The following STS variants were observed in gnomAD, a reference collection of about 807,000 sequenced individuals.
The protein encoded by STS is steryl-sulfatase.
STS carries 7 observed loss-of-function variants against 26.8 expected under a neutral mutation model. The ratio of observed to expected loss-of-function variants is 0.26; its 90% CI spans 0.15 to 0.49. The LOEUF is 0.49. Among genes scored for constraint, STS ranks in the 20% least tolerant of loss-of-function variants. The probability of loss-of-function intolerance (pLI) is 0.98; values close to 1 mark genes in which losing one functional copy is unlikely to be tolerated. For missense variants in STS, 434 were observed against 465.6 expected, an observed-to-expected ratio of 0.93 and a Z score of 0.63; for synonymous variants, 199 against 189.4, an observed-to-expected ratio of 1.05 and a Z score of -0.42.
At chrX:7,157,131 G>A (rs1159562270) in intron 1 of STS, among the ~76,000 whole-genome samples, 1 of 111,839 alleles carries the variant, frequency 8.9e-6, no homozygotes, top group African/African-American at 3.3e-5. Context: ...TCTTCCTTCT[G>A]CATGGCTAAG....
chrX:7,311,264 G>C (rs983660638), intron 8 of STS, among the ~76,000 whole-genome samples: 11 of 110,064 alleles, frequency 1.0e-4, no homozygotes, highest in African/African-American at 3.6e-4. Context: ...CCAGACACTG[G>C]AGTGAGCTTT....
At chrX:7,196,106 A>AGAG (rs66523232) in intron 2 of STS, among the ~76,000 whole-genome samples, 7 of 23,495 alleles carry the variant, frequency 3.0e-4, no homozygotes, top group African/African-American at 1.3e-3. Context: ...GAAAACAAAT[A>AGAG]GTTTATTAAC....
At chrX:7,290,360 ATAATAT>A (rs771492489) in intron 7 of STS, among the ~76,000 whole-genome samples, 34 of 111,630 alleles carry the variant, frequency 3.0e-4, no homozygotes, top group Middle Eastern at 4.6e-3. Context: ...TGCTCCACTG[ATAATAT>A]TAATACTACT....
intron 1 of STS, among the ~76,000 whole-genome samples, chrX:7,151,630 G>A (rs1321008588): frequency 8.9e-6 from 1 of 112,225 alleles, no homozygotes; most frequent in Non-Finnish European, 1.9e-5. Flanking sequence ...TGTACTCTCG[G>A]ACATATCTGG....
At chrX:7,245,427 T>C (rs1922819656) in intron 2 of STS, among the ~76,000 whole-genome samples, 1 of 112,346 alleles carries the variant, frequency 8.9e-6, no homozygotes, top group African/African-American at 3.2e-5. Flanking sequence ...TTTGATTTAA[T>C]GTGGCTTTCT....
chrX:7,245,428 G>A (rs1459040760), intron 2 of STS, among the ~76,000 whole-genome samples: 1 of 112,178 alleles, frequency 8.9e-6, no homozygotes, highest in Non-Finnish European at 1.9e-5. Context: ...TTGATTTAAT[G>A]TGGCTTTCTT....
At chrX:7,269,764 G>C (rs865889358) in intron 6 of STS, among the ~76,000 whole-genome samples, 3 of 111,263 alleles carry the variant, frequency 2.7e-5, no homozygotes, top group African/African-American at 9.8e-5. Flanking sequence ...GGGGGTTGGG[G>C]GTGGCGGTTG....
In STS at chrX:7,210,462, TATAA is replaced by T. The variant is rs1444157664; in HGVS notation, c.-5+19457_-5+19460del. On this transcript the variant is annotated intron_variant, in intron 2 of 10. Coordinates refer to ENST00000674429, the MANE Select transcript of STS (RefSeq NM_001320752.2). ...TTTATATATTTATACAATTATACAA[TATAA>T]ATGTTTTATTTTAAATAAATTTTTA... Among the ~76,000 whole-genome samples the T allele has an allele frequency of 6.5e-5, 7 of 107,706 alleles. No homozygotes were observed. In the Admixed American group the frequency reaches 7.0e-4, roughly 11 times the overall value. The allele number at this position is 107,706 out of a possible 115,157, so 93.5% of individuals were successfully genotyped here.
At chrX:7,189,026 T>A (rs1420540988) in intron 1 of STS, among the ~76,000 whole-genome samples, 2 of 111,466 alleles carry the variant, frequency 1.8e-5, no homozygotes, top group African/African-American at 6.5e-5. Context: ...GGGGAAAAAA[T>A]AACATTTCTG....
At chrX:7,303,338 G>A (rs921835567) in intron 7 of STS, among the ~76,000 whole-genome samples, 1 of 111,136 alleles carries the variant, frequency 9.0e-6, no homozygotes, top group African/African-American at 3.3e-5. Context: ...TATTAGCAAC[G>A]TGAGAGCAGA....
chrX:7,344,929 G>A (rs887703349), intron 10 of STS, among the ~76,000 whole-genome samples: 2 of 111,268 alleles, frequency 1.8e-5, no homozygotes, highest in African/African-American at 6.5e-5. Flanking sequence ...CATTCAGAGA[G>A]GCCTGGAAAT....
At chrX:7,316,256 A>G (rs2147151375) in intron 8 of STS, among the ~76,000 whole-genome samples, 1 of 112,368 alleles carries the variant, frequency 8.9e-6, no homozygotes, top group South Asian at 3.7e-4. Flanking sequence ...ATGCTGAAGG[A>G]TTTAATATTA....
intron 9 of STS, among the ~76,000 whole-genome samples, chrX:7,333,657 G>A (rs1422182252): frequency 8.9e-6 from 1 of 112,245 alleles, no homozygotes; most frequent in Non-Finnish European, 1.9e-5. Context: ...GAAGAATAAG[G>A]GTATGAATGC....
At chrX:7,211,771 G>GGA (rs1921041029) in intron 2 of STS, among the ~76,000 whole-genome samples, 1 of 112,051 alleles carries the variant, frequency 8.9e-6, no homozygotes, top group African/African-American at 3.2e-5. Flanking sequence ...TGGGCTTTGA[G>GGA]GAGAAGGCTG....
intron 1 of STS, among the ~76,000 whole-genome samples, chrX:7,170,254 G>A (rs1437603122): frequency 9.1e-6 from 1 of 110,038 alleles, no homozygotes; most frequent in Admixed American, 9.7e-5. Context: ...GCAGGAGGTA[G>A]GAATAGTGAT....
At chrX:7,151,417 G>GAT (rs1395792564) in intron 1 of STS, among the ~76,000 whole-genome samples, 1 of 111,936 alleles carries the variant, frequency 8.9e-6, no homozygotes, top group Non-Finnish European at 1.9e-5. Context: ...GACTTCATCT[G>GAT]ATGGGGCCTG....
At chrX:7,212,658 T>A (rs1457732334) in intron 2 of STS, among the ~76,000 whole-genome samples, 1 of 111,987 alleles carries the variant, frequency 8.9e-6, no homozygotes, top group Non-Finnish European at 1.9e-5. Flanking sequence ...CCTTCTGGTA[T>A]AACCAGAATA....
intron 1 of STS, among the ~76,000 whole-genome samples, chrX:7,186,801 C>A (rs1440514673): frequency 2.7e-5 from 3 of 111,936 alleles, no homozygotes; most frequent in African/African-American, 6.5e-5. Context: ...AATCAGATAT[C>A]ATCTTAGGTC....
rs747283571 is a variant in STS, at chrX:7,246,510, G to A, written c.-4-6686G>A. Among the ~76,000 whole-genome samples the A allele has an allele frequency of 4.5e-5, 5 of 110,049 alleles. No individual in the cohort carries two copies. The South Asian group carries it at 2.0e-3, about 43-fold the overall frequency. ...TTTAGTAGAGATGGGGTTTCACCGT[G>A]TTAGCCAGGATGGTCTCGATCTCCT... On this transcript the variant is annotated intron_variant, in intron 2 of 10. Transcript: ENST00000674429.
Sources: gnomAD v4.1 joint callset for allele counts (sites outside exome capture counted in the v4.1 genomes callset) on GRCh38, gnomAD v4.1.1 for gene constraint, MANE v1.5 for transcripts, NCBI Gene and HGNC (gene_info 2026-07-23, HGNC 2026-07-21) for gene names.